The following SLC25A35 variants were observed in gnomAD, a reference collection of about 807,000 sequenced individuals.
The protein encoded by SLC25A35 is solute carrier family 25, member 35.
SLC25A35 carries 32 observed loss-of-function variants against 30.5 expected under a neutral mutation model. That is an observed-to-expected ratio of 1.05 (90% CI 0.79 to 1.41). The LOEUF (loss-of-function observed/expected upper bound fraction) is 1.41. Ranked by LOEUF, SLC25A35 falls within the 40% of genes most tolerant of loss-of-function variation. The probability of loss-of-function intolerance (pLI) is 0.00; values close to 1 mark genes in which losing one functional copy is unlikely to be tolerated. For synonymous variants in SLC25A35, 142 were observed against 158.1 expected (o/e 0.90, Z 0.77); for missense variants, 369 against 388.0 (o/e 0.95, Z 0.41).
Position 8,290,434 on chromosome 17 carries a change from C to T in SLC25A35, c.*71G>A, listed in dbSNP as rs1173255418. On this transcript the variant is annotated 3_prime_UTR_variant, in exon 5 of 5. Transcript: ENST00000577745. ...GATGAAAGGTCACCTAATCAGTAGTCACCAGGACATAGTGGTGGAGGCACA... is the reference window on the plus strand; with the variant it reads ...GATGAAAGGTCACCTAATCAGTAGTTACCAGGACATAGTGGTGGAGGCACA... The T allele has an allele frequency of 6.6e-7, 1 of 1,509,708 alleles. No individual in the cohort carries two copies. The highest frequency in any genetic ancestry group is 8.8e-7 in the Non-Finnish European group (1 of 1,133,520). The allele number at this position is 1,509,708 out of a possible 1,614,324, so 93.5% of individuals were successfully genotyped here.
downstream of SLC25A35, chr17:8,288,921 CG>C (rs1340996871): frequency 1.2e-6 from 2 of 1,613,844 alleles, no homozygotes; most frequent in Admixed American, 3.3e-5. Flanking sequence ...GGGAAGAGAC[CG>C]GGGTCAACCA....
chr17:8,290,451 G>A lies in SLC25A35; in HGVS notation c.*54C>T, dbSNP rs896249316. ...TCAGTAGTCACCAGGACATAGTGGT[G>A]GAGGCACAAGTGGCCAAGGAGTGCT... On this transcript the variant is annotated 3_prime_UTR_variant, in exon 5 of 5. Transcript: ENST00000577745. The A allele has an allele frequency of 8.5e-6, 13 of 1,522,876 alleles. No homozygotes were observed. The Admixed American group carries it at 2.4e-4, about 28-fold the overall frequency. The allele number at this position is 1,522,876 out of a possible 1,614,324, so 94.3% of individuals were successfully genotyped here. A position where few individuals can be genotyped will look rare whatever the true frequency, so the allele number is the denominator to read the frequency against.
chr17:8,293,888 A>G (rs1038057767), intron 1 of SLC25A35, among the ~76,000 whole-genome samples: 1 of 145,690 alleles, frequency 6.9e-6, no homozygotes, highest in Non-Finnish European at 1.5e-5. Flanking sequence ...TTTTAGTTCC[A>G]GAAAGTCTGA....
downstream of SLC25A35, chr17:8,288,434 T>TGTCA (rs1990216251): frequency 2.9e-6 from 1 of 342,940 alleles, no homozygotes; most frequent in South Asian, 2.7e-5. Context: ...CAGCGAGACC[T>TGTCA]GTCAATCAAT....
At chr17:8,292,612 C>G in intron 1 of SLC25A35, 24 bp from the exon 2 acceptor site, 2 of 1,613,182 alleles carry the variant, frequency 1.2e-6, no homozygotes. Context: ...AATATCATAG[C>G]CTGTGCCCCA....
At chr17:8,288,755 A>C, downstream of SLC25A35, 1 of 1,611,702 alleles carries the variant, frequency 6.2e-7, no homozygotes, top group Non-Finnish European at 8.5e-7. Context: ...CTTCTTTTAA[A>C]CCTTTCTAAT....
At chr17:8,289,914 C>G, downstream of SLC25A35, 1 of 1,614,174 alleles carries the variant, frequency 6.2e-7, no homozygotes, top group Non-Finnish European at 8.5e-7. Context: ...CTTCACGATC[C>G]TAACATCTTT....
At position 8,295,160 on chromosome 17, in the gene SLC25A35, G is replaced by A. The variant is rs1482181825; in HGVS notation, c.-353C>T. On this transcript the variant is annotated 5_prime_UTR_variant, in exon 1 of 5. Transcript: ENST00000577745. ...GCACGGGAGTAGAGGAGGGAATCGC[G>A]GGGTTGGGAGATGGAAGCCAGGGAG... 1.2e-5 allele frequency: 12 copies of A among 1,037,798 alleles called. No individual in the cohort carries two copies. The highest frequency in any genetic ancestry group is 8.1e-5 in the East Asian group (1 of 12,326). 64.3% of individuals were successfully genotyped at this position (1,037,798 alleles called of 1,614,324 possible). A position where few individuals can be genotyped will look rare whatever the true frequency, so the allele number is the denominator to read the frequency against.
intron 1 of SLC25A35, 86 bp downstream of exon 1, chr17:8,294,340 AGCACTCT>A: frequency 7.2e-7 from 1 of 1,381,250 alleles, no homozygotes; most frequent in Non-Finnish European, 9.7e-7. Flanking sequence ...GCAGTGGGGC[AGCACTCT>A]GCCACCTATG....
downstream of SLC25A35, chr17:8,289,242 CG>C (rs757066623): frequency 2.5e-6 from 4 of 1,612,858 alleles, no homozygotes; most frequent in East Asian, 8.9e-5. Flanking sequence ...TTCCTGACCC[CG>C]CTTCCCTACT....
chr17:8,294,377 C>T (rs1990719917), intron 1 of SLC25A35, 56 bp downstream of exon 1: 3 of 1,500,278 alleles, frequency 2.0e-6, no homozygotes, highest in Middle Eastern at 2.5e-4. Flanking sequence ...AAGAACAGCT[C>T]CTATCCTACA....
chr17:8,290,715 A>G, intron 4 of SLC25A35, 37 bp from the exon 5 acceptor site: 2 of 1,601,730 alleles, frequency 1.2e-6, no homozygotes, highest in Middle Eastern at 1.7e-4. Flanking sequence ...GAGCACAGAG[A>G]AGGAGTTTGT....
intron 1 of SLC25A35, 94 bp downstream of exon 1, chr17:8,294,336 GGGC>G: frequency 7.5e-7 from 1 of 1,325,966 alleles, no homozygotes; most frequent in Non-Finnish European, 1.0e-6. Context: ...GCTTGCAGTG[GGGC>G]AGCACTCTGC....
chr17:8,293,428 T>C (rs187250680), intron 1 of SLC25A35, among the ~76,000 whole-genome samples: 176 of 152,356 alleles, frequency 1.2e-3, no homozygotes, highest in African/African-American at 4.1e-3. Flanking sequence ...GCACTAATGC[T>C]TTCATGTCTA....
At chr17:8,289,183 C>T, downstream of SLC25A35, 1 of 1,602,766 alleles carries the variant, frequency 6.2e-7, no homozygotes, top group Non-Finnish European at 8.5e-7. Flanking sequence ...GGCCGGGAGC[C>T]AGGCCTGCAA....
intron 1 of SLC25A35, among the ~76,000 whole-genome samples, chr17:8,294,089 G>A (rs1990697641): frequency 1.3e-5 from 2 of 150,180 alleles, no homozygotes; most frequent in Admixed American, 6.7e-5. Flanking sequence ...CTAATTTTTT[G>A]TATTTTTAGT....
downstream of SLC25A35, chr17:8,288,262 T>TC: frequency 5.5e-6 from 1 of 180,244 alleles, no homozygotes; most frequent in South Asian, 9.7e-5. Flanking sequence ...TGGGAGACAC[T>TC]CCCCACCCCG....
Position 8,290,381 on chromosome 17 carries a change from G to C in SLC25A35, c.*124C>G, listed in dbSNP as rs545657980. On this transcript the variant is annotated 3_prime_UTR_variant, in exon 5 of 5. Transcript: ENST00000577745. ...TGATTCAACCCTGAGAACAGATGGG[G>C]AGTGGGGTTGGCTGTCCCCCATGGA... The C allele has an allele frequency of 1.4e-5, 20 of 1,459,518 alleles. No individual in the cohort carries two copies. The African/African-American group carries it at 2.3e-4, about 16-fold the overall frequency. 90.4% of individuals were successfully genotyped at this position (1,459,518 alleles called of 1,614,324 possible).
chr17:8,295,313 C>T lies in SLC25A35; in HGVS notation c.-506G>A, dbSNP rs1394238255. ...AGGACTCTGGCCAGGAATGAGCGTC[C>T]CTGAGCGTCCCCAGGCAGCCACCGG... On this transcript the variant is annotated 5_prime_UTR_variant, in exon 1 of 5. Transcript: ENST00000577745. The T allele has an allele frequency of 1.0e-6, 1 of 985,996 alleles. No individual in the cohort carries two copies. The highest frequency in any genetic ancestry group is 1.2e-6 in the Non-Finnish European group (1 of 830,420). 61.1% of individuals were successfully genotyped at this position (985,996 alleles called of 1,614,324 possible).
Sources: gnomAD v4.1 joint callset for allele counts (sites outside exome capture counted in the v4.1 genomes callset) on GRCh38, gnomAD v4.1.1 for gene constraint, MANE v1.5 for transcripts, NCBI Gene and HGNC (gene_info 2026-07-23, HGNC 2026-07-21) for gene names.